The following IRAK4 variants were observed in gnomAD, a reference collection of about 807,000 sequenced individuals.
The protein encoded by IRAK4 is interleukin 1 receptor associated kinase 4.
A neutral mutation model predicts 51.8 loss-of-function variants in IRAK4; 44 were observed. The ratio of observed to expected loss-of-function variants is 0.85; its 90% CI spans 0.67 to 1.09. IRAK4 has a LOEUF of 1.09. IRAK4 is among the 50% of genes least tolerant of loss of function. The probability of loss-of-function intolerance (pLI) is 0.00; values close to 1 mark genes in which losing one functional copy is unlikely to be tolerated. For synonymous variants in IRAK4, 149 were observed against 174.1 expected (o/e 0.86, Z 1.13); for missense variants, 487 against 538.0 (o/e 0.91, Z 0.94).
rs4251546 is a variant in IRAK4, at chr12:43,786,861, T to C, written c.*146T>C. The stretch of plus-strand genomic sequence containing the variant: ...TGGTTATTAAAGCATGGGTTGAACT[T>C]CCAAAATATAAAAATAGAGCCACCA... On this transcript the variant is annotated 3_prime_UTR_variant, in exon 12 of 12. Coordinates refer to ENST00000613694, the MANE Select transcript of IRAK4 (RefSeq NM_016123.4). The C allele has an allele frequency of 4.5e-3, 3,112 of 693,308 alleles. 75 individuals carry two copies. In the African/African-American group the frequency reaches 0.049, roughly 11 times the overall value. 42.9% of individuals were successfully genotyped at this position (693,308 alleles called of 1,614,324 possible).
Position 43,787,710 on chromosome 12 carries a change from T to A in IRAK4, c.*995T>A, listed in dbSNP as rs1382486189. ...TTTCAGCTTTGCATGATCCTCAGTA[T>A]GAGAATCTATCTGTTCTGTGCTGGA... is the stretch of plus-strand genomic sequence containing the variant. On this transcript the variant is annotated 3_prime_UTR_variant, in exon 12 of 12. Transcript: ENST00000613694. 1 of 152,220 alleles carries A rather than the reference T, an allele frequency of 6.6e-6. No individual in the cohort carries two copies. The highest frequency in any genetic ancestry group is 2.4e-5 in the African/African-American group (1 of 41,424). 9.4% of individuals were successfully genotyped at this position (152,220 alleles called of 1,614,324 possible). A position where few individuals can be genotyped will look rare whatever the true frequency, so the allele number is the denominator to read the frequency against.
At chr12:43,772,561 A>G (rs1238575984) in intron 4 of IRAK4, among the ~76,000 whole-genome samples, 199 bp downstream of exon 4, 2 of 152,302 alleles carry the variant, frequency 1.3e-5, no homozygotes, top group African/African-American at 4.8e-5. Flanking sequence ...AGGACATGCA[A>G]ACAACCAGAG....
intron 8 of IRAK4, 99 bp from the exon 9 acceptor site, chr12:43,782,208 A>G (rs1592256172): frequency 5.3e-6 from 4 of 755,262 alleles, no homozygotes; most frequent in Non-Finnish European, 7.1e-6. Flanking sequence ...ATGCATATAC[A>G]TATATACATG....
rs993314139 is a variant in IRAK4, at chr12:43,772,266, A to G, written c.394A>G (p.Arg132Gly). Residue 132 changes from arginine to glycine, a missense_variant, in exon 4 of 12, where the codon AGG becomes GGG. By Grantham distance (125) the Arg-to-Gly change is moderately radical. Transcript: ENST00000613694. The stretch of plus-strand genomic sequence containing the variant: ...ACAGATGCCTTTCTGTGACAAAGAC[A>G]GGACATTGATGACACCTGTGCAGAA... Reference protein sequence around the residue: ...QKQMPFCDKDRTLMTPVQNLE... With the variant: ...QKQMPFCDKDGTLMTPVQNLE... The G allele has an allele frequency of 3.7e-6, 6 of 1,613,858 alleles. No individual in the cohort carries two copies. The highest frequency in any genetic ancestry group is 5.1e-6 in the Non-Finnish European group (6 of 1,179,832).
chr12:43,770,211 C>T (rs1336729024), intron 2 of IRAK4, among the ~76,000 whole-genome samples: 5 of 151,816 alleles, frequency 3.3e-5, no homozygotes, highest in African/African-American at 7.3e-5. Flanking sequence ...GGTTGAAAGC[C>T]GACTTTGTGA....
Position 43,768,275 on chromosome 12 carries a change from A to G in IRAK4, c.161+3A>G. ...AGATACAATCAGTTTCACATAAGGT[A>G]ACAGATAAAATTCTTTGTATTTTTA... is the stretch of plus-strand genomic sequence containing the variant. On this transcript the variant is annotated splice_donor_region_variant and intron_variant, in intron 2 of 11. Coordinates refer to ENST00000613694, the MANE Select transcript of IRAK4 (RefSeq NM_016123.4). 6.2e-7 allele frequency: 1 copy of G among 1,600,012 alleles called. No homozygotes were observed. The highest frequency in any genetic ancestry group is 8.6e-7 in the Non-Finnish European group (1 of 1,168,412).
chr12:43,761,644 C>G (rs530094138), intron 1 of IRAK4, among the ~76,000 whole-genome samples: 2 of 152,116 alleles, frequency 1.3e-5, no homozygotes, highest in Non-Finnish European at 2.9e-5. Flanking sequence ...AGAACTTAGG[C>G]CTGTGCAACC....
rs114557515 is a variant in IRAK4 at position 43,782,953 on chromosome 12, A to G, written c.1125+463A>G. On this transcript the variant is annotated intron_variant, in intron 9 of 11. Coordinates refer to ENST00000613694, the MANE Select transcript of IRAK4 (RefSeq NM_016123.4). ...AACTTCATAGCACTGAAAATAAGGC[A>G]TAGGGCTATAGAATATGCCTAATGT... Among the ~76,000 whole-genome samples the G allele has an allele frequency of 4.8e-3, 736 of 152,332 alleles. 8 individuals are homozygous for G. Among genetic ancestry groups the G allele is most frequent in the African/African-American group, 0.016 (682 of 41,572 alleles).
chr12:43,780,572 CTT>C (rs530751019), intron 8 of IRAK4, among the ~76,000 whole-genome samples: 53 of 133,988 alleles, frequency 4.0e-4, no homozygotes, highest in Admixed American at 5.2e-4. Flanking sequence ...CCTGTATGTT[CTT>C]TTTTTTTTTT....
intron 8 of IRAK4, among the ~76,000 whole-genome samples, chr12:43,780,831 A>G (rs1315487192): frequency 2.0e-5 from 3 of 152,156 alleles, no homozygotes; most frequent in Non-Finnish European, 4.4e-5. Context: ...TTGGCCTCCC[A>G]AAGTGCTGGG....
chr12:43,778,305 A>C lies in IRAK4; in HGVS notation c.941+3A>C, dbSNP rs746699247. On this transcript the variant is annotated splice_donor_region_variant and intron_variant, in intron 8 of 11. Coordinates refer to ENST00000613694, the MANE Select transcript of IRAK4 (RefSeq NM_016123.4). ...CATATTCATAGAGATATTAAAAGGT[A>C]AATGCTACTGTTTAAAAGTTTTTGG... 6.7e-7 allele frequency: 1 copy of C among 1,492,680 alleles called. No homozygotes were observed. Among genetic ancestry groups the C allele is most frequent in the South Asian group, 1.1e-5 (1 of 88,678 alleles). 92.5% of individuals were successfully genotyped at this position (1,492,680 alleles called of 1,614,324 possible).
intron 3 of IRAK4, among the ~76,000 whole-genome samples, chr12:43,771,928 T>G (rs1379348699): frequency 6.6e-6 from 1 of 152,222 alleles, no homozygotes; most frequent in Non-Finnish European, 1.5e-5. Context: ...TCTATATTCT[T>G]AAACAGGTGC....
At chr12:43,774,849 G>T (rs1192731629) in intron 6 of IRAK4, among the ~76,000 whole-genome samples, 1 of 152,212 alleles carries the variant, frequency 6.6e-6, no homozygotes, top group Non-Finnish European at 1.5e-5. Context: ...AATAGTGATT[G>T]ATATTTGAGT....
At chr12:43,780,017 T>C (rs1305840776) in intron 8 of IRAK4, among the ~76,000 whole-genome samples, 3 of 152,062 alleles carry the variant, frequency 2.0e-5, no homozygotes, top group African/African-American at 7.2e-5. Context: ...AAAAGGAATC[T>C]AAGGAAGTAC....
chr12:43,786,228 T>G (rs189416376), intron 10 of IRAK4, among the ~76,000 whole-genome samples, 171 bp from the exon 11 acceptor site: 11 of 152,164 alleles, frequency 7.2e-5, no homozygotes, highest in Admixed American at 3.9e-4. Flanking sequence ...AAACAGGGTT[T>G]CACCATGTTG....
At chr12:43,771,840 T>C (rs751351248) in intron 3 of IRAK4, among the ~76,000 whole-genome samples, 7 of 152,182 alleles carry the variant, frequency 4.6e-5, no homozygotes, top group Non-Finnish European at 7.4e-5. Flanking sequence ...AAGAATCACT[T>C]AGGTTCTGGT....
chr12:43,766,333 C>T (rs889548340), intron 1 of IRAK4, among the ~76,000 whole-genome samples: 2 of 152,110 alleles, frequency 1.3e-5, no homozygotes, highest in Non-Finnish European at 2.9e-5. Context: ...TGGGCTTATC[C>T]TCATTCCCTT....
chr12:43,779,463 G>A (rs1014223549), intron 8 of IRAK4, among the ~76,000 whole-genome samples: 7 of 152,116 alleles, frequency 4.6e-5, no homozygotes, highest in Admixed American at 1.3e-4. Flanking sequence ...TTTAAGTTTT[G>A]CAAAGATGAT....
intron 1 of IRAK4, among the ~76,000 whole-genome samples, chr12:43,765,684 A>G (rs905833497): frequency 3.3e-5 from 5 of 151,922 alleles, no homozygotes; most frequent in Admixed American, 6.6e-5. Context: ...TGCATTTTCC[A>G]TGAACTCTTT....
Sources: gnomAD v4.1 joint callset for allele counts (sites outside exome capture counted in the v4.1 genomes callset) on GRCh38, gnomAD v4.1.1 for gene constraint, MANE v1.5 for transcripts, NCBI Gene and HGNC (gene_info 2026-07-23, HGNC 2026-07-21) for gene names.